PPFIBP1: variants seen among roughly 807,000 people sequenced by gnomAD.
The protein encoded by PPFIBP1 is liprin-beta-1.
PPFIBP1 carries 112 observed loss-of-function variants against 137.8 expected under a neutral mutation model. That is an observed-to-expected ratio of 0.81 (90% CI 0.70 to 0.95). The LOEUF is 0.95. PPFIBP1 is among the 40% of genes least tolerant of loss of function. PPFIBP1 has a pLI of 0.00. For synonymous variants in PPFIBP1, 378 were observed against 417.3 expected (o/e 0.91, Z 1.15); for missense variants, 1,083 against 1,196.6 (o/e 0.91, Z 1.40).
intron 24 of PPFIBP1, among the ~76,000 whole-genome samples, 197 bp downstream of exon 24, chr12:27,682,900 T>C (rs958274033): frequency 6.6e-6 from 1 of 152,172 alleles, no homozygotes; most frequent in African/African-American, 2.4e-5. Flanking sequence ...TGAACAGGCT[T>C]GGGATAATTT....
At chr12:27,564,223 A>G (rs1164215153) in intron 1 of PPFIBP1, among the ~76,000 whole-genome samples, 2 of 152,206 alleles carry the variant, frequency 1.3e-5, no homozygotes, top group East Asian at 3.8e-4. Flanking sequence ...GAAATTACTT[A>G]ACTTTGAACT....
intron 2 of PPFIBP1, among the ~76,000 whole-genome samples, chr12:27,631,191 TA>T (rs113824157): frequency 0.26 from 39,379 of 152,082 alleles, 5,399 homozygotes; most frequent in East Asian, 0.38. Context: ...TTCATATTTT[TA>T]TTGGTTGAAA....
intron 12 of PPFIBP1, among the ~76,000 whole-genome samples, chr12:27,665,167 G>A (rs911355818): frequency 6.6e-6 from 1 of 152,086 alleles, no homozygotes; most frequent in African/African-American, 2.4e-5. Context: ...CAGCCTAGGC[G>A]GCAGAGTGAG....
intron 2 of PPFIBP1, among the ~76,000 whole-genome samples, chr12:27,624,060 G>A (rs2056590628): frequency 6.6e-6 from 1 of 152,060 alleles, no homozygotes; most frequent in South Asian, 2.1e-4. Context: ...TGAAAAACAT[G>A]TGTCCCAGGA....
chr12:27,624,014 A>G (rs969387819), intron 2 of PPFIBP1, among the ~76,000 whole-genome samples: 1 of 152,150 alleles, frequency 6.6e-6, no homozygotes, highest in African/African-American at 2.4e-5. Context: ...GGTGGCGGTC[A>G]GGCTGGCCTT....
chr12:27,681,490 T>C (rs2060868731), intron 21 of PPFIBP1, 56 bp from the exon 22 acceptor site: 2 of 1,559,640 alleles, frequency 1.3e-6, no homozygotes, highest in Non-Finnish European at 1.8e-6. Flanking sequence ...AAACTAATGA[T>C]AAGCCACAGG....
chr12:27,576,988 T>C (rs562774507), intron 1 of PPFIBP1, among the ~76,000 whole-genome samples: 1 of 152,262 alleles, frequency 6.6e-6, no homozygotes, highest in Non-Finnish European at 1.5e-5. Flanking sequence ...AGCTTGCCTG[T>C]TTACATATAA....
intron 1 of PPFIBP1, among the ~76,000 whole-genome samples, chr12:27,565,778 G>A (rs746127676): frequency 8.6e-5 from 13 of 151,866 alleles, no homozygotes; most frequent in Non-Finnish European, 1.9e-4. Context: ...CGACTTCTCT[G>A]AAGCTGTCTC....
chr12:27,639,010 T>C (rs2057907784), intron 4 of PPFIBP1, among the ~76,000 whole-genome samples: 1 of 152,336 alleles, frequency 6.6e-6, no homozygotes, highest in African/African-American at 2.4e-5. Flanking sequence ...CCCTGGTTTC[T>C]TGTAGGATGC....
At chr12:27,527,167 T>G (rs1324428264) in intron 1 of PPFIBP1, among the ~76,000 whole-genome samples, 1 of 152,232 alleles carries the variant, frequency 6.6e-6, no homozygotes, top group Non-Finnish European at 1.5e-5. Context: ...ACATTAAAAT[T>G]AACTTTTCGT....
At chr12:27,627,684 G>T (rs1314730704) in intron 2 of PPFIBP1, among the ~76,000 whole-genome samples, 1 of 152,088 alleles carries the variant, frequency 6.6e-6, no homozygotes, top group African/African-American at 2.4e-5. Context: ...AAAAATTATG[G>T]TGTCCTGCCA....
intron 2 of PPFIBP1, chr12:27,608,845 G>A: frequency 5.5e-6 from 1 of 180,636 alleles, no homozygotes; most frequent in Non-Finnish European, 1.2e-5. Context: ...AGCCACTTCA[G>A]CCTGTTTTTC....
At chr12:27,628,677 T>C (rs1202827459) in intron 2 of PPFIBP1, among the ~76,000 whole-genome samples, 2 of 152,244 alleles carry the variant, frequency 1.3e-5, no homozygotes, top group African/African-American at 2.4e-5. Flanking sequence ...TAGTCTTAGA[T>C]GCAGAGGTCC....
chr12:27,609,308 C>T (rs959121356), intron 2 of PPFIBP1, among the ~76,000 whole-genome samples: 1 of 152,206 alleles, frequency 6.6e-6, no homozygotes, highest in Non-Finnish European at 1.5e-5. Context: ...CTTGCTCCTC[C>T]TCCAGTGTTC....
chr12:27,594,137 T>C lies in PPFIBP1; in HGVS notation c.-36+15898T>C, dbSNP rs564840219. 383 of 591,196 alleles carry C rather than the reference T, an allele frequency of 6.5e-4. 1 individual carries two copies. The highest frequency in any genetic ancestry group is 9.0e-4 in the Non-Finnish European group (355 of 394,930). 36.6% of individuals were successfully genotyped at this position (591,196 alleles called of 1,614,324 possible). A position where few individuals can be genotyped will look rare whatever the true frequency, so the allele number is the denominator to read the frequency against. ...GGTGGGACCGGGGAGAAGAGAATCA[T>C]GGTACTTAAGCAAAAACATTATCCA... On this transcript the variant is annotated intron_variant, in intron 2 of 29. Coordinates refer to ENST00000228425, the MANE Select transcript of PPFIBP1 (RefSeq NM_003622.4).
intron 1 of PPFIBP1, among the ~76,000 whole-genome samples, chr12:27,557,007 G>A (rs1181997554): frequency 2.0e-5 from 3 of 151,742 alleles, no homozygotes; most frequent in African/African-American, 7.3e-5. Context: ...ATGTCTAAGT[G>A]GCTTGGATTT....
At chr12:27,590,049 C>G (rs541788620) in intron 2 of PPFIBP1, among the ~76,000 whole-genome samples, 48 of 152,266 alleles carry the variant, frequency 3.2e-4, no homozygotes, top group African/African-American at 1.2e-3. Context: ...TAAAGAATAG[C>G]AACTCTTTAA....
In PPFIBP1 at chr12:27,634,948, T is replaced by G. The variant is rs777007509; in HGVS notation, c.103T>G (p.Cys35Gly). ...ALEYSNGIFD[C>G]QSPTSPFMGS... Reference sequence around the variant, plus strand: ...GGAATATTCCAATGGGATTTTTGATTGCCAATCTCCCACCTCTCCATTCAT... The same window carrying G: ...GGAATATTCCAATGGGATTTTTGATGGCCAATCTCCCACCTCTCCATTCAT... Residue 35 changes from cysteine to glycine, a missense_variant, in exon 4 of 30, where the codon TGC becomes GGC. Cys to Gly is a radical substitution (Grantham distance 159, BLOSUM62 -3). Transcript: ENST00000228425. 1 of 1,614,148 alleles carries G rather than the reference T, an allele frequency of 6.2e-7. No individual in the cohort carries two copies. The highest frequency in any genetic ancestry group is 8.5e-7 in the Non-Finnish European group (1 of 1,179,984).
intron 7 of PPFIBP1, among the ~76,000 whole-genome samples, chr12:27,650,723 T>C (rs758479339): frequency 1.3e-5 from 2 of 152,216 alleles, no homozygotes; most frequent in African/African-American, 2.4e-5. Context: ...GAAGTATCCA[T>C]TTTAGTGGCT....
Sources: allele counts gnomAD v4.1 joint callset (sites outside exome capture counted in the v4.1 genomes callset), GRCh38; gene constraint gnomAD v4.1.1; transcripts MANE v1.5; gene names NCBI Gene and HGNC (gene_info 2026-07-23, HGNC 2026-07-21).